MLLT3: variants seen among roughly 807,000 people sequenced by gnomAD.
MLLT3 encodes the protein protein AF-9.
MLLT3 carries 4 observed loss-of-function variants against 53.2 expected under a neutral mutation model. The ratio of observed to expected loss-of-function variants is 0.08; its 90% CI spans 0.04 to 0.17. MLLT3 has a LOEUF of 0.17. Ranked by LOEUF, MLLT3 falls within the 10% of genes least tolerant of loss-of-function variation. MLLT3 has a pLI of 1.00. For missense variants in MLLT3, 569 were observed against 684.0 expected (o/e 0.83, Z 1.87); for synonymous variants, 283 against 230.6 (o/e 1.23, Z -2.06).
chr9:20,541,237 A>G (rs1314411224), intron 2 of MLLT3, among the ~76,000 whole-genome samples: 4 of 152,128 alleles, frequency 2.6e-5, no homozygotes, highest in African/African-American at 9.7e-5. Flanking sequence ...AAACTTCAAC[A>G]TCTTCCTGTA....
intron 5 of MLLT3, among the ~76,000 whole-genome samples, chr9:20,399,015 G>GT (rs1822391046): frequency 6.6e-6 from 1 of 152,144 alleles, no homozygotes. Flanking sequence ...GCCCGGGCAG[G>GT]TAAGAGTGAA....
At chr9:20,547,947 A>G (rs1587055782) in intron 2 of MLLT3, among the ~76,000 whole-genome samples, 1 of 152,210 alleles carries the variant, frequency 6.6e-6, no homozygotes. Context: ...GCAAGATCTT[A>G]TCTCAAAAAT....
At chr9:20,468,508 G>T (rs532231213) in intron 2 of MLLT3, among the ~76,000 whole-genome samples, 1 of 152,094 alleles carries the variant, frequency 6.6e-6, no homozygotes, top group African/African-American at 2.4e-5. Context: ...GGCTTCCGAG[G>T]TTATGTACTA....
intron 5 of MLLT3, among the ~76,000 whole-genome samples, chr9:20,372,554 ATTTTTT>A (rs34889625): frequency 7.3e-5 from 6 of 82,224 alleles, no homozygotes; most frequent in African/African-American, 2.8e-4. Flanking sequence ...CGCCCGGCTA[ATTTTTT>A]TTTTTTTTTT....
In MLLT3 at chr9:20,413,991, C is replaced by T. The variant is rs146067491; in HGVS notation, c.855G>A (p.Pro285=). 1.9e-4 allele frequency: 303 copies of T among 1,614,098 alleles called. 1 individual carries two copies. The African/African-American group carries it at 2.8e-3, about 15-fold the overall frequency. The stretch of plus-strand genomic sequence containing the variant: ...AGAGTTCTTCAGAATCTGAAATGGG[C>T]GGCCTTTTACTAGGAGCCTTCTTAT... The part of the protein sequence containing the change: ...GQDKKAPSKR[P]PISDSEELSA... Residue 285 remains proline, a synonymous_variant, in exon 5 of 11, where the codon CCG becomes CCA. Transcript: ENST00000380338.
At chr9:20,474,525 G>A (rs1238702031) in intron 2 of MLLT3, among the ~76,000 whole-genome samples, 1 of 151,932 alleles carries the variant, frequency 6.6e-6, no homozygotes, top group Admixed American at 6.6e-5. Context: ...ATACTACAAG[G>A]CTCGGTCTAC....
At chr9:20,606,243 T>C (rs1820563681) in intron 2 of MLLT3, among the ~76,000 whole-genome samples, 1 of 151,952 alleles carries the variant, frequency 6.6e-6, no homozygotes, top group African/African-American at 2.4e-5. Context: ...TAGAACATTA[T>C]TGCCTCCAGC....
chr9:20,385,778 C>T (rs567201625), intron 5 of MLLT3, among the ~76,000 whole-genome samples: 2 of 152,258 alleles, frequency 1.3e-5, no homozygotes, highest in Non-Finnish European at 2.9e-5. Context: ...AAGTTACCTA[C>T]AAGAGTCTCA....
At chr9:20,436,612 G>A (rs1823411730) in intron 4 of MLLT3, among the ~76,000 whole-genome samples, 1 of 152,048 alleles carries the variant, frequency 6.6e-6, no homozygotes, top group Non-Finnish European at 1.5e-5. Context: ...TTTCCAAAAA[G>A]AAAGCTAATA....
chr9:20,509,656 T>C (rs1353152838), intron 2 of MLLT3, among the ~76,000 whole-genome samples: 2 of 152,226 alleles, frequency 1.3e-5, no homozygotes, highest in African/African-American at 2.4e-5. Context: ...ACTGTATTAA[T>C]AGCACAGTTC....
chr9:20,413,151 C>T (rs558589223), intron 5 of MLLT3, among the ~76,000 whole-genome samples: 1 of 152,202 alleles, frequency 6.6e-6, no homozygotes, highest in East Asian at 1.9e-4. Context: ...CCTGGTTTTA[C>T]AGGTATACAC....
chr9:20,612,390 A>G (rs1366043565), intron 2 of MLLT3, among the ~76,000 whole-genome samples: 2 of 152,176 alleles, frequency 1.3e-5, no homozygotes, highest in Non-Finnish European at 2.9e-5. Context: ...CTACATATAT[A>G]TTGCCTTTTG....
At chr9:20,555,817 G>A (rs796839686) in intron 2 of MLLT3, among the ~76,000 whole-genome samples, 7 of 152,290 alleles carry the variant, frequency 4.6e-5, no homozygotes, top group South Asian at 2.1e-4. Flanking sequence ...ATTTCTAGAC[G>A]TCTAAAAGGG....
At chr9:20,355,119 AAC>A (rs1821140118) in intron 8 of MLLT3, among the ~76,000 whole-genome samples, 1 of 150,696 alleles carries the variant, frequency 6.6e-6, no homozygotes, top group Non-Finnish European at 1.5e-5. Flanking sequence ...AAAAAAAAAC[AAC>A]ACAGTTGATG....
At chr9:20,452,486 A>T (rs539478296) in intron 3 of MLLT3, among the ~76,000 whole-genome samples, 10 of 152,072 alleles carry the variant, frequency 6.6e-5, no homozygotes, top group Admixed American at 2.0e-4. Flanking sequence ...AATTAAACCT[A>T]TTTCCTTTAT....
rs543672849 is a variant in MLLT3, at chr9:20,346,379, C to CAA, written c.*62_*63dup. ...AACAACAAGAACAAAAAATCACAAC[C>CAA]AAAAAAAAAAAAAACCAAAAAAAAA... is the stretch of plus-strand genomic sequence containing the variant. On this transcript the variant is annotated 3_prime_UTR_variant, in exon 11 of 11. Coordinates refer to ENST00000380338, the MANE Select transcript of MLLT3 (RefSeq NM_004529.4). 21,963 of 959,182 alleles carry CAA rather than the reference C, an allele frequency of 0.023. No homozygotes were observed. Among genetic ancestry groups the CAA allele is most frequent in the Non-Finnish European group, 0.025 (18,528 of 740,568 alleles). 59.4% of individuals were successfully genotyped at this position (959,182 alleles called of 1,614,324 possible).
intron 2 of MLLT3, among the ~76,000 whole-genome samples, chr9:20,497,803 C>T (rs1489205361): frequency 6.6e-6 from 1 of 152,092 alleles, no homozygotes; most frequent in Non-Finnish European, 1.5e-5. Flanking sequence ...TATATACTTT[C>T]AATTCTCTTG....
rs1388002082 is a variant in MLLT3, at chr9:20,448,096, T to C, written c.420+27A>G. 4 of 1,584,924 alleles carry C rather than the reference T, an allele frequency of 2.5e-6. No homozygotes were observed. The highest frequency in any genetic ancestry group is 3.4e-6 in the Non-Finnish European group (4 of 1,168,684). On this transcript the variant is annotated intron_variant, in intron 4 of 10. Transcript: ENST00000380338. This position sits in a 1 kb window ranked among gnomAD's most constrained non-coding sequence, Gnocchi z 4.0. Reference sequence around the variant, plus strand: ...TGTTGTTGTTGTTTTTTAATAGGAATGCTTTTCACAAGAGAGTGCCACTTA... The same window carrying C: ...TGTTGTTGTTGTTTTTTAATAGGAACGCTTTTCACAAGAGAGTGCCACTTA...
chr9:20,448,922 C>A lies in MLLT3; in HGVS notation c.277-656G>T, dbSNP rs1195072854. On this transcript the variant is annotated intron_variant, in intron 3 of 10. Transcript: ENST00000380338. This position sits in a 1 kb window ranked among gnomAD's most constrained non-coding sequence, Gnocchi z 4.0. ...CCCTTCTGTCCATCTGATGGCCTAG[C>A]AACATCCCATTACTGGTTGCTTCCC... 6.6e-6 allele frequency among the ~76,000 whole-genome samples: 1 copy of A among 152,116 alleles called. No homozygotes were observed. Among genetic ancestry groups the A allele is most frequent in the Non-Finnish European group, 1.5e-5 (1 of 68,016 alleles).
Sources: gnomAD v4.1 joint callset for allele counts (sites outside exome capture counted in the v4.1 genomes callset) on GRCh38, gnomAD v4.1.1 for gene constraint, Gnocchi (gnomAD v3.1) non-coding constraint, MANE v1.5 for transcripts, NCBI Gene and HGNC (gene_info 2026-07-23, HGNC 2026-07-21) for gene names.